Variants in LIPN observed in about 807,000 individuals in gnomAD.
LIPN encodes the protein lipase family member N, also known as lipase member N.
A neutral mutation model predicts 43.7 loss-of-function variants in LIPN; 32 were observed. The observed-to-expected ratio is 0.73, with a 90% CI of 0.55 to 0.98. The LOEUF is 0.98. Among genes scored for constraint, LIPN ranks in the 50% least tolerant of loss-of-function variants. The pLI is 0.00. For synonymous variants in LIPN, 156 were observed against 157.6 expected, an observed-to-expected ratio of 0.99 and a Z score of 0.08; for missense variants, 505 against 483.8, an observed-to-expected ratio of 1.04 and a Z score of -0.41.
intron 4 of LIPN, among the ~76,000 whole-genome samples, chr10:88,765,346 C>T (rs379756): frequency 0.24 from 36,124 of 151,746 alleles, 4,447 homozygotes; most frequent in East Asian, 0.37. Flanking sequence ...TGTATTCCTA[C>T]TACATTAATA....
Position 88,767,007 on chromosome 10 carries a change from C to A in LIPN, c.535+629C>A, listed in dbSNP as rs1843112969. Among the ~76,000 whole-genome samples, 6 of 151,856 alleles carry A rather than the reference C, an allele frequency of 4.0e-5. No individual in the cohort carries two copies. In the South Asian group the frequency reaches 1.2e-3, roughly 31 times the overall value. ...GACAACTTACTTCTTAATTTACTTA[C>A]TTTACTTAATTTACTTTACAATTTA... On this transcript the variant is annotated intron_variant, in intron 5 of 9. Transcript: ENST00000404459.
chr10:88,767,196 A>G (rs146593522), intron 5 of LIPN, among the ~76,000 whole-genome samples: 2 of 152,008 alleles, frequency 1.3e-5, no homozygotes, highest in East Asian at 3.9e-4. Context: ...TTAGGGAAAT[A>G]TTTTCATTAT....
chr10:88,766,620 A>G (rs1334765116), intron 5 of LIPN, among the ~76,000 whole-genome samples: 1 of 151,908 alleles, frequency 6.6e-6, no homozygotes, highest in Non-Finnish European at 1.5e-5. Context: ...ACGGTGATGC[A>G]ACTTCCCAGG....
chr10:88,770,971 A>C lies in LIPN; in HGVS notation c.799A>C (p.Asn267His). Reference protein sequence around the residue: ...SEFMSLWAGSNKKNMNQSRMD... With the variant: ...SEFMSLWAGSHKKNMNQSRMD... ...ATTTATGTCCTTATGGGCTGGATCCAACAAGAAAAATATGAATCAGGTATG... is the reference window on the plus strand; with the variant it reads ...ATTTATGTCCTTATGGGCTGGATCCCACAAGAAAAATATGAATCAGGTATG... The change falls in exon 7 of 10, where the codon AAC (asparagine) becomes CAC (histidine). Residue 267 changes from asparagine to histidine, a missense_variant. Asn to His is a moderately conservative substitution (Grantham distance 68). Transcript: ENST00000404459. The C allele has an allele frequency of 6.4e-7, 1 of 1,572,296 alleles. No individual in the cohort carries two copies. Among genetic ancestry groups the C allele is most frequent in the Non-Finnish European group, 8.6e-7 (1 of 1,156,952 alleles).
At chr10:88,776,756 A>G (rs1050706429) in intron 9 of LIPN, among the ~76,000 whole-genome samples, 1 of 152,074 alleles carries the variant, frequency 6.6e-6, no homozygotes, top group Non-Finnish European at 1.5e-5. Flanking sequence ...CCCAGTATCT[A>G]TGTGTTGCAT....
At chr10:88,773,274 T>C (rs1356559962) in intron 7 of LIPN, among the ~76,000 whole-genome samples, 1 of 151,900 alleles carries the variant, frequency 6.6e-6, no homozygotes, top group Non-Finnish European at 1.5e-5. Context: ...TATTCCCTGG[T>C]GAAATTTAGG....
In LIPN at chr10:88,768,059, CACAT is replaced by C. The variant is rs563899046; in HGVS notation, c.536-732_536-729del. Among the ~76,000 whole-genome samples, 361 of 123,406 alleles carry C rather than the reference CACAT, an allele frequency of 2.9e-3. 4 individuals are homozygous for C. The South Asian group carries it at 0.035, about 12-fold the overall frequency. 81.0% of individuals were successfully genotyped at this position (123,406 alleles called of 152,430 possible). The stretch of plus-strand genomic sequence containing the variant: ...ACACACACACACACACACACACACA[CACAT>C]GCCAGTGGAGGCCCAGGAAGGGACC... On this transcript the variant is annotated intron_variant, in intron 5 of 9. Coordinates refer to ENST00000404459, the MANE Select transcript of LIPN (RefSeq NM_001102469.2).
At chr10:88,777,809 C>T (rs1038288093) in intron 9 of LIPN, among the ~76,000 whole-genome samples, 200 bp from the exon 10 acceptor site, 1 of 152,108 alleles carries the variant, frequency 6.6e-6, no homozygotes, top group Non-Finnish European at 1.5e-5. Flanking sequence ...TGGCATTTAA[C>T]ATACCTTACT....
intron 7 of LIPN, among the ~76,000 whole-genome samples, chr10:88,773,308 A>G (rs1272097052): frequency 6.6e-6 from 1 of 151,918 alleles, no homozygotes; most frequent in Non-Finnish European, 1.5e-5. Flanking sequence ...TATAATGGGT[A>G]GCAGTTTCTT....
At chr10:88,764,974 C>A (rs925454677) in intron 4 of LIPN, among the ~76,000 whole-genome samples, 1 of 141,852 alleles carries the variant, frequency 7.0e-6, no homozygotes, top group African/African-American at 2.6e-5. Context: ...AGGGAACAGA[C>A]AAACTCTCTG....
chr10:88,766,503 TCTG>T (rs151107451), intron 5 of LIPN, 125 bp downstream of exon 5: 20,435 of 706,682 alleles, frequency 0.029, 445 homozygotes, highest in Non-Finnish European at 0.042. Flanking sequence ...TTCCCTGTCC[TCTG>T]CTGGGAATAA....
chr10:88,764,197 C>A (rs917963380), intron 3 of LIPN, among the ~76,000 whole-genome samples: 1 of 151,838 alleles, frequency 6.6e-6, no homozygotes, highest in East Asian at 1.9e-4. Flanking sequence ...GCACCAGGTA[C>A]AAAAATATGT....
intron 9 of LIPN, among the ~76,000 whole-genome samples, chr10:88,777,733 T>G (rs1344671424): frequency 6.6e-6 from 1 of 152,130 alleles, no homozygotes; most frequent in Non-Finnish European, 1.5e-5. Flanking sequence ...GGACCCCTCT[T>G]TCTATGAAGC....
chr10:88,761,340 T>C, intron 1 of LIPN, 58 bp from the exon 2 acceptor site: 2 of 990,634 alleles, frequency 2.0e-6, no homozygotes, highest in Admixed American at 1.7e-5. Flanking sequence ...TCATTTTATT[T>C]CATTAATCAA....
Position 88,763,516 on chromosome 10 carries a change from T to C in LIPN, c.227-894T>C, listed in dbSNP as rs912152678. On this transcript the variant is annotated intron_variant, in intron 3 of 9. Transcript: ENST00000404459. ...TCAGTTAAACTTCTCATCAACAATA[T>C]GAGATGGGTACCACTAATAGTCACC... 6.6e-5 allele frequency among the ~76,000 whole-genome samples: 10 copies of C among 152,154 alleles called. No individual in the cohort carries two copies. In the South Asian group the frequency reaches 1.0e-3, roughly 16 times the overall value.
At chr10:88,764,351 C>T in intron 3 of LIPN, 59 bp from the exon 4 acceptor site, 2 of 1,329,696 alleles carry the variant, frequency 1.5e-6, no homozygotes, top group Middle Eastern at 2.1e-4. Context: ...ATTACTCTCA[C>T]TCTTTCTCTC....
Position 88,770,991 on chromosome 10 carries a change from G to A in LIPN, c.819G>A (p.Gln273=). ...WAGSNKKNMN[Q]SRMDVYMSHA... Reference sequence around the variant, plus strand: ...GATCCAACAAGAAAAATATGAATCAGGTATGTATGATAATTATAGGGCCAT... The same window carrying A: ...GATCCAACAAGAAAAATATGAATCAAGTATGTATGATAATTATAGGGCCAT... The change falls in exon 7 of 10, where the codon CAG becomes CAA. Residue 273 remains glutamine, a splice_region_variant and synonymous_variant. Transcript: ENST00000404459. The A allele has an allele frequency of 6.4e-7, 1 of 1,565,874 alleles. No homozygotes were observed. The highest frequency in any genetic ancestry group is 8.7e-7 in the Non-Finnish European group (1 of 1,153,518).
In LIPN at chr10:88,774,508, T is replaced by G. The variant is rs1032213187; in HGVS notation, c.855T>G (p.Thr285=). Residue 285 remains threonine, a synonymous_variant, in exon 8 of 10, where the codon ACT becomes ACG. Coordinates refer to ENST00000404459, the MANE Select transcript of LIPN (RefSeq NM_001102469.2). The part of the protein sequence containing the change: ...RMDVYMSHAP[T]GSSVHNILHI... Reference sequence around the variant, plus strand: ...ATGTGTATATGTCACATGCTCCCACTGGTTCATCAGTACACAACATTCTGC... The same window carrying G: ...ATGTGTATATGTCACATGCTCCCACGGGTTCATCAGTACACAACATTCTGC... 1 of 1,610,638 alleles carries G rather than the reference T, an allele frequency of 6.2e-7. No individual in the cohort carries two copies. The highest frequency in any genetic ancestry group is 1.3e-5 in the African/African-American group (1 of 74,748).
intron 7 of LIPN, among the ~76,000 whole-genome samples, chr10:88,772,014 T>C (rs149381885): frequency 1.1e-4 from 17 of 152,054 alleles, no homozygotes; most frequent in African/African-American, 3.9e-4. Flanking sequence ...TTAGTAATGT[T>C]GAACATTGTT....
Sources: allele counts gnomAD v4.1 joint callset (sites outside exome capture counted in the v4.1 genomes callset), GRCh38; gene constraint gnomAD v4.1.1; transcripts MANE v1.5; gene names NCBI Gene and HGNC (gene_info 2026-07-23, HGNC 2026-07-21).